WDR44: variants seen among roughly 807,000 people sequenced by gnomAD.
The protein encoded by WDR44 is WD repeat-containing protein 44.
Under a neutral mutation model 65.7 loss-of-function variants are expected in WDR44, and 9 were observed. The observed-to-expected ratio is 0.14, with a 90% CI of 0.08 to 0.24. The LOEUF (loss-of-function observed/expected upper bound fraction) is 0.24, where lower values mean the gene tolerates loss of function less well. Ranked by LOEUF, WDR44 falls within the 10% of genes least tolerant of loss-of-function variation. The pLI, the probability that WDR44 is intolerant of heterozygous loss-of-function variation, is 1.00. For synonymous variants in WDR44, 220 were observed against 235.2 expected, an observed-to-expected ratio of 0.94 and a Z score of 0.59; for missense variants, 425 against 670.9, an observed-to-expected ratio of 0.63 and a Z score of 4.05.
In WDR44 at chrX:118,346,435, G is replaced by T. The variant is rs2056349907; in HGVS notation, c.-69G>T. The T allele has an allele frequency of 3.0e-6, 3 of 997,864 alleles. No homozygotes were observed. In the Admixed American group the frequency reaches 6.7e-5, roughly 22 times the overall value. 82.2% of individuals were successfully genotyped at this position (997,864 alleles called of 1,213,427 possible). ...CAGTCTCGCCCGGGTGGAGGTCGACGAGGAGGAGACAAGAGTCACCCTTCC... is the reference window on the plus strand; with the variant it reads ...CAGTCTCGCCCGGGTGGAGGTCGACTAGGAGGAGACAAGAGTCACCCTTCC... On this transcript the variant is annotated 5_prime_UTR_variant, in exon 1 of 20. Coordinates refer to ENST00000254029, the MANE Select transcript of WDR44 (RefSeq NM_019045.5).
At chrX:118,430,175 G>A (rs944938377) in intron 12 of WDR44, among the ~76,000 whole-genome samples, 2 of 103,822 alleles carry the variant, frequency 1.9e-5, no homozygotes, top group East Asian at 6.0e-4. Flanking sequence ...AGCAGGTTTG[G>A]GGTGATGTTA....
chrX:118,404,361 G>A lies in WDR44; in HGVS notation c.1298G>A (p.Gly433Glu), dbSNP rs2056945098. Residue 433 changes from glycine to glutamate, a missense_variant, in exon 9 of 20, where the codon GGA (glycine) becomes GAA (glutamate). Coordinates refer to ENST00000254029, the MANE Select transcript of WDR44 (RefSeq NM_019045.5). ...QKTTQLKKFLGKSVKRAKHLA... is the reference protein window; with the variant it reads ...QKTTQLKKFLEKSVKRAKHLA... ...AGGACTCAACTAAAGAAGTTTCTTG[G>A]AAAATCAGTAAAGAGAGCAAAGCAC... The A allele has an allele frequency of 8.3e-7, 1 of 1,201,903 alleles. No individual in the cohort carries two copies. Among genetic ancestry groups the A allele is most frequent in the African/African-American group, 1.8e-5 (1 of 56,943 alleles).
intron 1 of WDR44, among the ~76,000 whole-genome samples, chrX:118,366,849 G>A (rs911621342): frequency 1.8e-5 from 2 of 112,108 alleles, no homozygotes; most frequent in Admixed American, 9.5e-5. Flanking sequence ...TGTAATCCCA[G>A]CACTTTGGGA....
intron 1 of WDR44, among the ~76,000 whole-genome samples, chrX:118,370,830 C>T (rs1185593428): frequency 9.1e-6 from 1 of 110,270 alleles, no homozygotes; most frequent in Non-Finnish European, 1.9e-5. Context: ...GATCCACCCG[C>T]CCCATCCTCC....
chrX:118,400,171 C>T lies in WDR44; in HGVS notation c.1274+1701C>T, dbSNP rs6646190. On this transcript the variant is annotated intron_variant, in intron 8 of 19. Coordinates refer to ENST00000254029, the MANE Select transcript of WDR44 (RefSeq NM_019045.5). ...TCAACCTTTTCTTATGCCATTGACA[C>T]ACAGAGAACATAATAGTATTTGCAC... Among the ~76,000 whole-genome samples the T allele has an allele frequency of 5.6e-3, 614 of 110,417 alleles. 3 individuals are homozygous for T. The highest frequency in any genetic ancestry group is 0.019 in the African/African-American group (580 of 30,424).
intron 14 of WDR44, among the ~76,000 whole-genome samples, chrX:118,437,855 G>T (rs1242181226): frequency 9.1e-6 from 1 of 110,371 alleles, no homozygotes; most frequent in African/African-American, 3.3e-5. Flanking sequence ...GGCCAACATG[G>T]TGAAACATTG....
chrX:118,436,627 A>G (rs1420032206), intron 13 of WDR44, 75 bp from the exon 14 acceptor site: 1 of 1,119,565 alleles, frequency 8.9e-7, no homozygotes, highest in Non-Finnish European at 1.2e-6. Context: ...ACAAAAACCA[A>G]AAGTTCACTT....
chrX:118,390,741 T>A (rs1323027196), intron 3 of WDR44, among the ~76,000 whole-genome samples: 2 of 112,309 alleles, frequency 1.8e-5, no homozygotes, highest in Non-Finnish European at 3.8e-5. Context: ...AAAGCCTGAA[T>A]CCATTCCTTT....
At chrX:118,349,893 G>A (rs770458004) in intron 1 of WDR44, among the ~76,000 whole-genome samples, 3 of 111,526 alleles carry the variant, frequency 2.7e-5, no homozygotes, top group Non-Finnish European at 5.6e-5. Context: ...TGTCCTAGGA[G>A]AGAGCTTTTA....
chrX:118,409,111 G>A (rs923080073), intron 10 of WDR44, among the ~76,000 whole-genome samples: 1 of 111,551 alleles, frequency 9.0e-6, no homozygotes, highest in African/African-American at 3.3e-5. Flanking sequence ...TGGCTTTAAA[G>A]TAATGTCTCT....
intron 2 of WDR44, chrX:118,386,548 A>G (rs2056768917): frequency 2.5e-5 from 8 of 323,820 alleles, no homozygotes; most frequent in Non-Finnish European, 2.9e-5. Context: ...TCTTTTATCT[A>G]AAGCATGTAG....
intron 1 of WDR44, among the ~76,000 whole-genome samples, chrX:118,357,822 T>C (rs763662622): frequency 2.7e-5 from 3 of 110,116 alleles, no homozygotes; most frequent in Non-Finnish European, 5.7e-5. Flanking sequence ...AAGGCTATAG[T>C]GAGCCATAAT....
chrX:118,432,984 C>A, intron 13 of WDR44, 90 bp downstream of exon 13: 1 of 866,030 alleles, frequency 1.2e-6, no homozygotes, highest in Middle Eastern at 3.4e-4. Context: ...TCCGGGAAAC[C>A]TCAGTTTTTT....
At chrX:118,370,525 G>A (rs1277945103) in intron 1 of WDR44, among the ~76,000 whole-genome samples, 4 of 110,687 alleles carry the variant, frequency 3.6e-5, no homozygotes, top group Non-Finnish European at 3.8e-5. Flanking sequence ...GGCCCTCACC[G>A]GGAGCAGATG....
chrX:118,397,049 C>T lies in WDR44; in HGVS notation c.1133C>T (p.Pro378Leu), dbSNP rs1016447030. The change falls in exon 7 of 20, where the codon CCA becomes CTA. Residue 378 changes from proline (P) to leucine (L), a missense_variant. Transcript: ENST00000254029. ...IPLSLAEEKL[P>L]TGINPLTLHI... ...TTGAGTCTTGCAGAAGAGAAACTACCAACAGGCATTAATCCTCTCACTCTA... is the reference window on the plus strand; with the variant it reads ...TTGAGTCTTGCAGAAGAGAAACTACTAACAGGCATTAATCCTCTCACTCTA... 1 of 1,194,300 alleles carries T rather than the reference C, an allele frequency of 8.4e-7. No individual in the cohort carries two copies. The highest frequency in any genetic ancestry group is 1.1e-6 in the Non-Finnish European group (1 of 888,207).
At chrX:118,412,794 C>T (rs1169350993) in intron 12 of WDR44, among the ~76,000 whole-genome samples, 1 of 111,639 alleles carries the variant, frequency 9.0e-6, no homozygotes, top group African/African-American at 3.3e-5. Context: ...GTGCACCCAT[C>T]ACCCAAGGAG....
intron 1 of WDR44, among the ~76,000 whole-genome samples, chrX:118,355,328 G>T (rs1210499457): frequency 1.8e-5 from 2 of 111,450 alleles, no homozygotes; most frequent in African/African-American, 6.5e-5. Flanking sequence ...AAATATAAAG[G>T]GTGGGAACTT....
chrX:118,431,267 C>G (rs2057207924), intron 12 of WDR44, among the ~76,000 whole-genome samples: 1 of 111,507 alleles, frequency 9.0e-6, no homozygotes, highest in Non-Finnish European at 1.9e-5. Flanking sequence ...TTTTAAGCCA[C>G]AAATTTGAGG....
intron 12 of WDR44, among the ~76,000 whole-genome samples, chrX:118,430,946 A>G (rs186991722): frequency 6.9e-4 from 77 of 112,309 alleles, no homozygotes; most frequent in African/African-American, 2.4e-3. Flanking sequence ...GTCATCTAGC[A>G]TTAGAAGTGC....
Sources: gnomAD v4.1 joint callset for allele counts (sites outside exome capture counted in the v4.1 genomes callset) on GRCh38, gnomAD v4.1.1 for gene constraint, MANE v1.5 for transcripts, NCBI Gene and HGNC (gene_info 2026-07-23, HGNC 2026-07-21) for gene names.